CUL3: variants seen among roughly 807,000 people sequenced by gnomAD.
The protein encoded by CUL3 is cullin-3.
CUL3 carries 19 observed loss-of-function variants against 89.1 expected under a neutral mutation model. That is an observed-to-expected ratio of 0.21 (90% CI 0.15 to 0.31). The LOEUF (loss-of-function observed/expected upper bound fraction) is 0.31, where lower values mean the gene tolerates loss of function less well. Ranked by LOEUF, CUL3 falls within the 10% of genes least tolerant of loss-of-function variation. The probability of loss-of-function intolerance (pLI) is 1.00; values close to 1 mark genes in which losing one functional copy is unlikely to be tolerated. For missense variants in CUL3, 469 were observed against 942.3 expected, an observed-to-expected ratio of 0.50 and a Z score of 6.58; for synonymous variants, 351 against 308.4, an observed-to-expected ratio of 1.14 and a Z score of -1.45.
intron 2 of CUL3, among the ~76,000 whole-genome samples, chr2:224,542,775 C>G (rs1694166133): frequency 6.6e-6 from 1 of 152,138 alleles, no homozygotes; most frequent in Non-Finnish European, 1.5e-5. Flanking sequence ...ATATACACAT[C>G]CTCAAGTCAG....
intron 2 of CUL3, 98 bp from the exon 3 acceptor site, chr2:224,535,739 CTTTAA>C (rs1207131836): frequency 9.3e-6 from 7 of 748,874 alleles, no homozygotes; most frequent in South Asian, 6.2e-5. Flanking sequence ...GAAGTGGAAT[CTTTAA>C]TTTAAATCAA....
Position 224,482,063 on chromosome 2 carries a change from T to A in CUL3, c.1858A>T (p.Thr620Ser), listed in dbSNP as rs2106152468. The A allele has an allele frequency of 6.3e-7, 1 of 1,592,666 alleles. No homozygotes were observed. Residue 620 changes from threonine to serine, a missense_variant, in exon 14 of 16, where the codon ACA (threonine) becomes TCA (serine). Physicochemically the swap from Thr to Ser is moderately conservative, Grantham distance 58. Transcript: ENST00000264414. ...KYTFEEIQQE[T>S]DIPERELVRA... The stretch of plus-strand genomic sequence containing the variant: ...ACAAGCTCTCTTTCAGGGATATCTG[T>A]CTCTTGCTGAATTTCCTGAAATTTC...
At chr2:224,506,677 C>T (rs1292334839) in intron 7 of CUL3, among the ~76,000 whole-genome samples, 181 bp downstream of exon 7, 4 of 152,006 alleles carry the variant, frequency 2.6e-5, no homozygotes, top group Admixed American at 2.6e-4. Flanking sequence ...ATTTTAGCTC[C>T]CTGATATAAA....
intron 1 of CUL3, among the ~76,000 whole-genome samples, chr2:224,570,437 A>G (rs1297760810): frequency 6.6e-6 from 1 of 152,200 alleles, no homozygotes; most frequent in Non-Finnish European, 1.5e-5. Flanking sequence ...GGTAATTAAG[A>G]AAGTCTGTGA....
chr2:224,513,593 G>A lies in CUL3; in HGVS notation c.585C>T (p.Leu195=), dbSNP rs17408300. The A allele has an allele frequency of 1.6e-5, 26 of 1,602,608 alleles. No individual in the cohort carries two copies. Among genetic ancestry groups the A allele is most frequent in the African/African-American group, 8.1e-5 (6 of 74,294 alleles). The change falls in exon 5 of 16, where the codon CTC becomes CTT. Residue 195 remains leucine, a synonymous_variant. Coordinates refer to ENST00000264414, the MANE Select transcript of CUL3 (RefSeq NM_003590.5). ...CTTCTTCATAGACTGATCTTCCTTC[G>A]AGACCTAAAATCATTAACATCTGGC... ...NACQMLMILG[L]EGRSVYEEDF...
intron 2 of CUL3, among the ~76,000 whole-genome samples, chr2:224,550,640 C>T (rs543465471): frequency 1.6e-4 from 25 of 152,306 alleles, no homozygotes; most frequent in Admixed American, 1.0e-3. Flanking sequence ...AAACTTAAAA[C>T]TGATCTTAGA....
intron 2 of CUL3, among the ~76,000 whole-genome samples, chr2:224,545,286 TTAA>T (rs1488410841): frequency 2.6e-5 from 4 of 152,120 alleles, no homozygotes; most frequent in Non-Finnish European, 5.9e-5. Flanking sequence ...TTAATTAACT[TTAA>T]TAATTAAGAT....
At chr2:224,511,872 G>GT (rs1477836447) in intron 5 of CUL3, among the ~76,000 whole-genome samples, 1 of 152,128 alleles carries the variant, frequency 6.6e-6, no homozygotes, top group African/African-American at 2.4e-5. Flanking sequence ...GCCAGTGAGG[G>GT]TCAAAAGCTT....
chr2:224,521,083 C>A (rs980572276), intron 3 of CUL3, among the ~76,000 whole-genome samples: 2 of 152,122 alleles, frequency 1.3e-5, no homozygotes, highest in Non-Finnish European at 2.9e-5. Flanking sequence ...CAAAAAACAA[C>A]TTAACTCTTA....
rs184432180 is a variant in CUL3, at chr2:224,486,786, C to T, written c.1843-4708G>A. The stretch of plus-strand genomic sequence containing the variant: ...CAGAGAACACCACAAAGATATTCCT[C>T]CAGAAGAGCAACCCCAAGACACATA... On this transcript the variant is annotated intron_variant, in intron 13 of 15. Coordinates refer to ENST00000264414, the MANE Select transcript of CUL3 (RefSeq NM_003590.5). 1.3e-3 allele frequency among the ~76,000 whole-genome samples: 197 copies of T among 152,176 alleles called. 1 individual carries two copies. In the Middle Eastern group the frequency reaches 0.027, roughly 21 times the overall value.
At chr2:224,572,657 G>A (rs1417308499) in intron 1 of CUL3, among the ~76,000 whole-genome samples, 1 of 151,360 alleles carries the variant, frequency 6.6e-6, no homozygotes, top group Non-Finnish European at 1.5e-5. Context: ...AAAAAAGGTG[G>A]GGTCTTCAGG....
chr2:224,584,805 G>A (rs1695539195), intron 1 of CUL3, 139 bp downstream of exon 1: 3 of 400,026 alleles, frequency 7.5e-6, no homozygotes, highest in Non-Finnish European at 1.0e-5. Context: ...TGCCGGGAAG[G>A]CTCGCGCCCC....
At chr2:224,575,430 C>T (rs1037173159) in intron 1 of CUL3, among the ~76,000 whole-genome samples, 3 of 152,098 alleles carry the variant, frequency 2.0e-5, no homozygotes, top group African/African-American at 7.2e-5. Context: ...GCTGCTATTT[C>T]TGGCCTTGTT....
intron 3 of CUL3, among the ~76,000 whole-genome samples, chr2:224,517,490 T>C (rs1039995519): frequency 1.3e-5 from 2 of 152,118 alleles, no homozygotes; most frequent in Non-Finnish European, 2.9e-5. Flanking sequence ...CTGGCCAATA[T>C]GGTGAAACCC....
At position 224,500,405 on chromosome 2, in the gene CUL3, T is replaced by C. The variant is rs752673692; in HGVS notation, c.1568A>G (p.Asn523Ser). The change falls in exon 11 of 16, where the codon AAC becomes AGC. Residue 523 changes from asparagine (N) to serine (S), a missense_variant. Physicochemically the swap from Asn to Ser is conservative, Grantham distance 46. Around this residue, in one of 4 missense-constraint regions of CUL3, gnomAD observed 370 missense variants for 733.2 expected, o/e 0.50. Coordinates refer to ENST00000264414, the MANE Select transcript of CUL3 (RefSeq NM_003590.5). The stretch of plus-strand genomic sequence containing the variant: ...AGCATGTCTTGGTGCTGGTGGGATG[T>C]TGCACTTTGGTGTGGCTGACTGAGT... ...WPTQSATPKC[N>S]IPPAPRHAFE... 6 of 1,614,026 alleles carry C rather than the reference T, an allele frequency of 3.7e-6. No individual in the cohort carries two copies. Among genetic ancestry groups the C allele is most frequent in the Non-Finnish European group, 5.1e-6 (6 of 1,180,000 alleles).
Position 224,485,144 on chromosome 2 carries a change from G to C in CUL3, c.1843-3066C>G, listed in dbSNP as rs1218750885. 1 of 152,304 alleles carries C rather than the reference G, an allele frequency of 6.6e-6. No homozygotes were observed. The highest frequency in any genetic ancestry group is 1.5e-5 in the Non-Finnish European group (1 of 68,138). The allele number at this position is 152,304 out of a possible 1,614,324, so 9.4% of individuals were successfully genotyped here. A position where few individuals can be genotyped will look rare whatever the true frequency, so the allele number is the denominator to read the frequency against. ...CCCGCAGACCAGGAGATTCCCTTGT[G>C]TGCCTACACCACCAGGACCCTGGGT... On this transcript the variant is annotated intron_variant, in intron 13 of 15. Coordinates refer to ENST00000264414, the MANE Select transcript of CUL3 (RefSeq NM_003590.5). This position sits in a 1 kb window ranked among gnomAD's most constrained non-coding sequence, Gnocchi z 4.1.
intron 2 of CUL3, among the ~76,000 whole-genome samples, chr2:224,552,396 C>G (rs1694547180): frequency 6.6e-6 from 1 of 152,102 alleles, no homozygotes; most frequent in Non-Finnish European, 1.5e-5. Context: ...TGTCAGTTTC[C>G]TCAAAGGAAA....
chr2:224,559,183 T>C (rs914522984), intron 1 of CUL3, among the ~76,000 whole-genome samples: 3 of 152,166 alleles, frequency 2.0e-5, no homozygotes, highest in East Asian at 1.9e-4. Flanking sequence ...GACTGGCTCA[T>C]GCCTGTAATC....
At position 224,496,199 on chromosome 2, in the gene CUL3, T is replaced by A. The variant is rs1692165504; in HGVS notation, c.1708-233A>T. On this transcript the variant is annotated intron_variant, in intron 12 of 15. Coordinates refer to ENST00000264414, the MANE Select transcript of CUL3 (RefSeq NM_003590.5). ...GTGTGCACCATCATGCCCAGCTAAC[T>A]TTTGTATTTTTTGTAGAAACGGGGT... Among the ~76,000 whole-genome samples, 3 of 152,164 alleles carry A rather than the reference T, an allele frequency of 2.0e-5. No individual in the cohort carries two copies. The South Asian group carries it at 6.2e-4, about 32-fold the overall frequency.
Sources: gnomAD v4.1 joint callset for allele counts (sites outside exome capture counted in the v4.1 genomes callset) on GRCh38, gnomAD v4.1.1 for gene constraint, gnomAD v4.1.1 regional missense constraint, Gnocchi (gnomAD v3.1) non-coding constraint, MANE v1.5 for transcripts, NCBI Gene and HGNC (gene_info 2026-07-23, HGNC 2026-07-21) for gene names.